Variants in PAPPA observed in about 807,000 individuals in gnomAD.
PAPPA encodes pappalysin 1.
A neutral mutation model predicts 164.0 loss-of-function variants in PAPPA; 60 were observed. The observed-to-expected ratio is 0.37, with a 90% CI of 0.30 to 0.45. The LOEUF is 0.45. PAPPA is among the 20% of genes least tolerant of loss of function. The probability of loss-of-function intolerance (pLI) is 1.00; values close to 1 mark genes in which losing one functional copy is unlikely to be tolerated. For synonymous variants in PAPPA, 875 were observed against 814.1 expected (o/e 1.07, Z -1.27); for missense variants, 1,782 against 2,087.3 (o/e 0.85, Z 2.85).
rs1371831251 is a variant in PAPPA at position 116,367,754 on chromosome 9, G to T, written c.4605G>T (p.Glu1535Asp). 1.1e-5 allele frequency: 17 copies of T among 1,603,806 alleles called. No individual in the cohort carries two copies. Among genetic ancestry groups the T allele is most frequent in the Non-Finnish European group, 1.4e-5 (16 of 1,170,892 alleles). ...IPHWLNPTRV[E>D]RVVCTAGLKW... The stretch of plus-strand genomic sequence containing the variant: ...ACTGGCTGAACCCCACACGGGTAGA[G>T]GTGAGTGACCAGGGACATCTACCCA... Residue 1535 changes from glutamate to aspartate, a missense_variant and splice_region_variant, in exon 19 of 22, where the codon GAG becomes GAT. Transcript: ENST00000328252.
At chr9:116,379,869 A>G (rs952881742) in intron 20 of PAPPA, among the ~76,000 whole-genome samples, 1 of 152,176 alleles carries the variant, frequency 6.6e-6, no homozygotes, top group Non-Finnish European at 1.5e-5. Flanking sequence ...ATGCGTTACT[A>G]GTAGAAGGAG....
At chr9:116,310,422 A>G (rs1237026107) in intron 10 of PAPPA, among the ~76,000 whole-genome samples, 2 of 152,164 alleles carry the variant, frequency 1.3e-5, no homozygotes, top group African/African-American at 4.8e-5. Context: ...AAGGAGACAG[A>G]ACAGAAAGTA....
intron 1 of PAPPA, among the ~76,000 whole-genome samples, chr9:116,167,013 A>G (rs1281250379): frequency 6.6e-6 from 1 of 152,258 alleles, no homozygotes; most frequent in Non-Finnish European, 1.5e-5. Flanking sequence ...AATGAACATT[A>G]TAAGATTTCA....
Position 116,393,759 on chromosome 9 carries a change from A to C in PAPPA, c.4777-2750A>C, listed in dbSNP as rs139277369. Among the ~76,000 whole-genome samples the C allele has an allele frequency of 2.3e-3, 349 of 152,274 alleles. 1 individual carries two copies. The highest frequency in any genetic ancestry group is 8.2e-3 in the African/African-American group (339 of 41,584). On this transcript the variant is annotated intron_variant, in intron 21 of 21. Transcript: ENST00000328252. ...GAGCTGGCCAGGGAAGAGCAGTCAG[A>C]GTGGAGGGCCATTAGTGGCTAAGGA...
At chr9:116,181,947 G>C (rs890790546) in intron 1 of PAPPA, among the ~76,000 whole-genome samples, 1 of 152,226 alleles carries the variant, frequency 6.6e-6, no homozygotes, top group African/African-American at 2.4e-5. Flanking sequence ...AATTCACCTT[G>C]CTTGTGGGGG....
chr9:116,371,111 C>A (rs1226484701), intron 19 of PAPPA, among the ~76,000 whole-genome samples: 1 of 152,102 alleles, frequency 6.6e-6, no homozygotes, highest in Non-Finnish European at 1.5e-5. Context: ...CAAACATACT[C>A]TTTTGTATAT....
intron 13 of PAPPA, among the ~76,000 whole-genome samples, chr9:116,335,449 G>A (rs540204450): frequency 2.4e-4 from 37 of 152,158 alleles, no homozygotes; most frequent in African/African-American, 8.2e-4. Context: ...GCTTCCCGTG[G>A]CACAAGCAGG....
At chr9:116,357,670 T>A (rs112460767) in intron 17 of PAPPA, among the ~76,000 whole-genome samples, 67 of 152,302 alleles carry the variant, frequency 4.4e-4, no homozygotes, top group African/African-American at 1.2e-3. Flanking sequence ...AAGCTACTCA[T>A]CTCAGGATTT....
rs188562530 is a variant in PAPPA at position 116,174,550 on chromosome 9, C to A, written c.416-12604C>A. The stretch of plus-strand genomic sequence containing the variant: ...TGTTCAGTGCCTCCTCCTCCCAATG[C>A]TCTTCAGCAGATGAGGAACCGAGGT... On this transcript the variant is annotated intron_variant, in intron 1 of 21. Transcript: ENST00000328252. Among the ~76,000 whole-genome samples the A allele has an allele frequency of 4.6e-5, 7 of 152,270 alleles. No homozygotes were observed. In the East Asian group the frequency reaches 1.4e-3, roughly 29 times the overall value.
At chr9:116,321,026 A>G (rs2118926981) in intron 10 of PAPPA, among the ~76,000 whole-genome samples, 1 of 151,474 alleles carries the variant, frequency 6.6e-6, no homozygotes, top group Admixed American at 6.6e-5. Flanking sequence ...TATTGTTGTT[A>G]TACATTTTTT....
At chr9:116,290,285 T>C (rs942957819) in intron 9 of PAPPA, among the ~76,000 whole-genome samples, 1 of 152,160 alleles carries the variant, frequency 6.6e-6, no homozygotes, top group African/African-American at 2.4e-5. Context: ...CTTTTCGTTA[T>C]AGTTCTATGC....
At chr9:116,260,508 C>T (rs1844988619) in intron 7 of PAPPA, among the ~76,000 whole-genome samples, 1 of 152,142 alleles carries the variant, frequency 6.6e-6, no homozygotes, top group Non-Finnish European at 1.5e-5. Flanking sequence ...TACTTGGACT[C>T]TTCCTGAGCC....
chr9:116,337,565 T>C (rs536266407), intron 13 of PAPPA, among the ~76,000 whole-genome samples: 1 of 152,284 alleles, frequency 6.6e-6, no homozygotes, highest in African/African-American at 2.4e-5. Context: ...TACTCTCAGC[T>C]GTTTCCCAGG....
intron 10 of PAPPA, chr9:116,318,260 C>G (rs1175776852): frequency 2.0e-5 from 3 of 152,184 alleles, no homozygotes; most frequent in Non-Finnish European, 4.4e-5. Flanking sequence ...GAACCTACCA[C>G]ATTTCTCTAT....
rs568322116 is a variant in PAPPA at position 116,193,527 on chromosome 9, A to G, written c.1478+5311A>G. On this transcript the variant is annotated intron_variant, in intron 2 of 21. Coordinates refer to ENST00000328252, the MANE Select transcript of PAPPA (RefSeq NM_002581.5). The stretch of plus-strand genomic sequence containing the variant: ...CAAGGAGGGGCAGACACTGACGCAA[A>G]CCATCCATTGAGAGGGGGGCTGAGC... 7.2e-5 allele frequency among the ~76,000 whole-genome samples: 11 copies of G among 152,210 alleles called. No homozygotes were observed. In the East Asian group the frequency reaches 1.5e-3, roughly 21 times the overall value.
Position 116,377,559 on chromosome 9 carries a change from T to G in PAPPA, c.4606-17T>G, listed in dbSNP as rs1333893865. The G allele has an allele frequency of 2.5e-6, 4 of 1,604,668 alleles. No individual in the cohort carries two copies. Among genetic ancestry groups the G allele is most frequent in the Non-Finnish European group, 3.4e-6 (4 of 1,171,492 alleles). On this transcript the variant is annotated splice_polypyrimidine_tract_variant and intron_variant, in intron 19 of 21. Coordinates refer to ENST00000328252, the MANE Select transcript of PAPPA (RefSeq NM_002581.5). ...CAATCCCAAGCCCATCTGACCTTTC[T>G]CTCCCTCTTCCCACAGAGAGTTGTC...
At chr9:116,282,500 TG>T (rs1446846602) in intron 9 of PAPPA, among the ~76,000 whole-genome samples, 2 of 152,200 alleles carry the variant, frequency 1.3e-5, no homozygotes, top group East Asian at 3.8e-4. Context: ...TTAAATTAAT[TG>T]GATAAAATTC....
chr9:116,319,268 G>A (rs941252387), intron 10 of PAPPA, among the ~76,000 whole-genome samples: 5 of 152,126 alleles, frequency 3.3e-5, no homozygotes, highest in South Asian at 4.1e-4. Context: ...CGCCACATCC[G>A]ACACTAATCA....
chr9:116,187,304 G>T lies in PAPPA; in HGVS notation c.566G>T (p.Arg189Leu), dbSNP rs374109701. 5 of 1,614,010 alleles carry T rather than the reference G, an allele frequency of 3.1e-6. No homozygotes were observed. The highest frequency in any genetic ancestry group is 2.2e-5 in the East Asian group (1 of 44,894). ...CAAGTGACCACCATCAATGCCCACC[G>T]CAGCTACCTCCCAGGCCAGTGGGTA... is the stretch of plus-strand genomic sequence containing the variant. ...ARQVTTINAH[R>L]SYLPGQWVYL... Residue 189 changes from arginine (R) to leucine (L), a missense_variant, in exon 2 of 22, where the codon CGC becomes CTC. Transcript: ENST00000328252. The surrounding 1 kb of genome is among the most constrained non-coding windows in gnomAD (Gnocchi z 4.2).
Sources: allele counts gnomAD v4.1 joint callset (sites outside exome capture counted in the v4.1 genomes callset), GRCh38; gene constraint gnomAD v4.1.1; non-coding constraint Gnocchi (gnomAD v3.1); transcripts MANE v1.5; gene names NCBI Gene and HGNC (gene_info 2026-07-23, HGNC 2026-07-21).